Variants in GALNS observed in about 807,000 individuals in gnomAD.
GALNS encodes the protein N-acetylgalactosamine-6-sulfatase.
In GALNS, 65 loss-of-function variants were observed where a neutral mutation model predicts 65.9. The ratio of observed to expected loss-of-function variants is 0.99; its 90% CI spans 0.81 to 1.21. The LOEUF (loss-of-function observed/expected upper bound fraction) is 1.21, where lower values mean the gene tolerates loss of function less well. Ranked by LOEUF, GALNS falls within the 50% of genes most tolerant of loss-of-function variation. The pLI, the probability that GALNS is intolerant of heterozygous loss-of-function variation, is 0.00. For synonymous variants in GALNS, 346 were observed against 288.9 expected, an observed-to-expected ratio of 1.20 and a Z score of -2.00; for missense variants, 776 against 700.7, an observed-to-expected ratio of 1.11 and a Z score of -1.21.
At chr16:88,843,463 C>A in intron 1 of GALNS, 1 of 345,570 alleles carries the variant, frequency 2.9e-6, no homozygotes, top group South Asian at 2.2e-5. Context: ...GTGCGGCCGG[C>A]GTGTACTACG....
chr16:88,837,233 G>A (rs563510385), intron 5 of GALNS, among the ~76,000 whole-genome samples: 2 of 152,274 alleles, frequency 1.3e-5, no homozygotes, highest in Admixed American at 1.3e-4. Context: ...GGCTCCCAGT[G>A]GGGGTTTCAT....
In GALNS at chr16:88,816,545, T is replaced by C. The variant is rs1452583877; in HGVS notation, c.1482+1462A>G. 6.5e-5 allele frequency: 47 copies of C among 720,998 alleles called. No individual in the cohort carries two copies. In the Admixed American group the frequency reaches 1.3e-3, roughly 20 times the overall value. 44.7% of individuals were successfully genotyped at this position (720,998 alleles called of 1,614,324 possible). ...CCCCCCGCCCCCCAACTAACGGAGG[T>C]GGCCCTGCCCTGCCCAGTCCTAAAT... On this transcript the variant is annotated intron_variant, in intron 13 of 13. Transcript: ENST00000268695.
chr16:88,837,820 T>A, intron 4 of GALNS, 55 bp from the exon 5 acceptor site: 1 of 1,595,044 alleles, frequency 6.3e-7, no homozygotes, highest in Non-Finnish European at 8.6e-7. Flanking sequence ...CACTCGGAAG[T>A]TCTGAGCAGC....
Position 88,837,718 on chromosome 16 carries a change from T to G in GALNS, c.470A>C (p.Asp157Ala). The change falls in exon 5 of 14, where the codon GAT becomes GCT. Residue 157 changes from aspartate to alanine, a missense_variant. Coordinates refer to ENST00000268695, the MANE Select transcript of GALNS (RefSeq NM_000512.5). ...GCAGTTGGGGGATCCAAACCACTCATCAAATCCGTGCTTCAGGGGGTGGAA... is the reference window on the plus strand; with the variant it reads ...GCAGTTGGGGGATCCAAACCACTCAGCAAATCCGTGCTTCAGGGGGTGGAA... ...PQFHPLKHGF[D>A]EWFGSPNCHF... The G allele has an allele frequency of 1.2e-6, 2 of 1,613,924 alleles. No homozygotes were observed. The highest frequency in any genetic ancestry group is 1.7e-6 in the Non-Finnish European group (2 of 1,179,988).
Position 88,837,689 on chromosome 16 carries a change from AG to A in GALNS, c.498del (p.Phe167LeufsTer32), listed in dbSNP as rs772656696. ...FDEWFGSPNC[H>X]FGPYDNKARP... The stretch of plus-strand genomic sequence containing the variant: ...CTGGCCTTGTTGTCATAAGGTCCAA[AG>A]TGGCAGTTGGGGGATCCAAACCACT... On this transcript the variant is annotated frameshift_variant, in exon 5 of 14. Transcript: ENST00000268695. LOFTEE classifies it high-confidence loss of function. 14 of 1,613,968 alleles carry A rather than the reference AG, an allele frequency of 8.7e-6. No individual in the cohort carries two copies. The highest frequency in any genetic ancestry group is 1.2e-5 in the Non-Finnish European group (14 of 1,180,018).
intron 6 of GALNS, 151 bp from the exon 7 acceptor site, chr16:88,836,000 CCCA>C: frequency 7.7e-7 from 1 of 1,300,852 alleles, no homozygotes; most frequent in Non-Finnish European, 1.1e-6. Context: ...GGTCCCCGTC[CCCA>C]CGCGTCCCAC....
chr16:88,822,572 G>A lies in GALNS; in HGVS notation c.1364+17C>T, dbSNP rs1412383529. The A allele has an allele frequency of 1.2e-6, 2 of 1,612,236 alleles. No individual in the cohort carries two copies. Among genetic ancestry groups the A allele is most frequent in the East Asian group, 2.2e-5 (1 of 44,846 alleles). ...CTGGCACTGCCTCAGCAGCCAGGAG[G>A]CCCTGCACCGACTCACCTGAGGGGG... is the stretch of plus-strand genomic sequence containing the variant. On this transcript the variant is annotated intron_variant, in intron 12 of 13. Transcript: ENST00000268695.
chr16:88,856,461 G>C (rs1463001817), intron 1 of GALNS: 2 of 700,284 alleles, frequency 2.9e-6, no homozygotes, highest in East Asian at 5.4e-5. Context: ...CTGCCAGGGA[G>C]GACGCTGTCC....
chr16:88,820,186 T>A (rs960669747), intron 12 of GALNS, among the ~76,000 whole-genome samples: 1 of 151,908 alleles, frequency 6.6e-6, no homozygotes, highest in Non-Finnish European at 1.5e-5. Context: ...TGGAGTGCAG[T>A]GGTGCGATCT....
chr16:88,855,047 G>A, intron 1 of GALNS: 1 of 383,444 alleles, frequency 2.6e-6, no homozygotes, highest in Admixed American at 3.2e-5. Context: ...AACCCTTGCT[G>A]TCCTATGGAA....
intron 9 of GALNS, among the ~76,000 whole-genome samples, chr16:88,827,489 C>T (rs1247490090): frequency 6.6e-6 from 1 of 152,200 alleles, no homozygotes; most frequent in Admixed American, 6.5e-5. Context: ...TCTTGTCACC[C>T]AGGCTGGAGT....
At chr16:88,853,394 A>G (rs1037194614) in intron 1 of GALNS, among the ~76,000 whole-genome samples, 1 of 151,798 alleles carries the variant, frequency 6.6e-6, no homozygotes, top group African/African-American at 2.4e-5. Flanking sequence ...ACTGGTTGCT[A>G]TGGGATTATT....
rs1054672454 is a variant in GALNS at position 88,835,202 on chromosome 16, C to T, written c.898+11G>A. 54 of 1,569,828 alleles carry T rather than the reference C, an allele frequency of 3.4e-5. No individual in the cohort carries two copies. The highest frequency in any genetic ancestry group is 4.4e-5 in the Non-Finnish European group (51 of 1,156,118). On this transcript the variant is annotated intron_variant, in intron 8 of 13. Coordinates refer to ENST00000268695, the MANE Select transcript of GALNS (RefSeq NM_000512.5). ...GTGGGGAAACCGTGAGAAGTGACAG[C>T]GAGCACTCACCTTGTTCGGGGGCGG...
Position 88,841,897 on chromosome 16 carries a change from C to T in GALNS, c.319G>A (p.Ala107Thr), listed in dbSNP as rs763184657. 3.6e-5 allele frequency: 58 copies of T among 1,612,436 alleles called. No homozygotes were observed. Among genetic ancestry groups the T allele is most frequent in the Non-Finnish European group, 4.6e-5 (54 of 1,179,412 alleles). The change falls in exon 3 of 14, where the codon GCC (alanine) becomes ACC (threonine). Residue 107 changes from alanine to threonine, a missense_variant and splice_region_variant. Physicochemically the swap from Ala to Thr is moderately conservative, Grantham distance 58. Coordinates refer to ENST00000268695, the MANE Select transcript of GALNS (RefSeq NM_000512.5). ...TCCCTGGAGGCGGTGGGCAGCCTAC[C>T]GTTTCTGGCATGGGCGTTGGTGGTG... ...FYTTNAHARNAYTPQEIVGGI... is the reference protein window; with the variant it reads ...FYTTNAHARNTYTPQEIVGGI...
chr16:88,816,314 G>A (rs541197972), intron 13 of GALNS: 813 of 985,450 alleles, frequency 8.3e-4, no homozygotes, highest in Admixed American at 8.2e-3. Context: ...CCAGCAGCAC[G>A]GAGTGGGATT....
At chr16:88,836,180 G>C (rs758259190) in intron 6 of GALNS, 21 bp downstream of exon 6, 2 of 1,610,248 alleles carry the variant, frequency 1.2e-6, no homozygotes, top group South Asian at 1.1e-5. Flanking sequence ...CACAGGGCGA[G>C]GATGGTGCGG....
At chr16:88,845,826 TAAA>T (rs771068463) in intron 1 of GALNS, among the ~76,000 whole-genome samples, 1 of 124,516 alleles carries the variant, frequency 8.0e-6, no homozygotes. Flanking sequence ...ACTCCAACTC[TAAA>T]AAAAAAAAAA....
chr16:88,853,128 G>A (rs1967585631), intron 1 of GALNS, among the ~76,000 whole-genome samples: 1 of 149,060 alleles, frequency 6.7e-6, no homozygotes, highest in South Asian at 2.1e-4. Flanking sequence ...GTGGGAGCCT[G>A]TAGTCCCAGC....
chr16:88,852,786 G>A (rs1426202991), intron 1 of GALNS, among the ~76,000 whole-genome samples: 1 of 152,236 alleles, frequency 6.6e-6, no homozygotes, highest in African/African-American at 2.4e-5. Flanking sequence ...AAGGGTATCA[G>A]TGATTGAAGA....
Sources: gnomAD v4.1 joint callset for allele counts (sites outside exome capture counted in the v4.1 genomes callset) on GRCh38, gnomAD v4.1.1 for gene constraint, MANE v1.5 for transcripts, NCBI Gene and HGNC (gene_info 2026-07-23, HGNC 2026-07-21) for gene names.